The following ZBTB2 variants were observed in gnomAD, a reference collection of about 807,000 sequenced individuals.
ZBTB2 encodes the protein zinc finger and BTB domain containing 2, also known as zinc finger and BTB domain-containing protein 2.
ZBTB2 carries 2 observed loss-of-function variants against 39.5 expected under a neutral mutation model. The ratio of observed to expected loss-of-function variants is 0.05; its 90% confidence interval spans 0.02 to 0.16. ZBTB2 has a LOEUF of 0.16. Ranked by LOEUF, ZBTB2 falls within the 10% of genes least tolerant of loss-of-function variation. The pLI, the probability that ZBTB2 is intolerant of heterozygous loss-of-function variation, is 1.00. For synonymous variants in ZBTB2, 251 were observed against 256.6 expected (o/e 0.98, Z 0.21); for missense variants, 391 against 653.0 (o/e 0.60, Z 4.37).
Position 151,375,061 on chromosome 6 carries a change from G to A in ZBTB2, c.-12-1412C>T, listed in dbSNP as rs1000193493. 1.7e-4 allele frequency among the ~76,000 whole-genome samples: 26 copies of A among 151,762 alleles called. No homozygotes were observed. In the East Asian group the frequency reaches 4.5e-3, roughly 26 times the overall value. ...CATGAACCCAGGAGGCGGAGCTTGC[G>A]GTGAGCCGAGCTCACACCACTGCAC... On this transcript the variant is annotated intron_variant, in intron 1 of 2. Transcript: ENST00000325144.
intron 2 of ZBTB2, among the ~76,000 whole-genome samples, chr6:151,373,220 G>T (rs992292183): frequency 2.7e-4 from 38 of 141,624 alleles, no homozygotes; most frequent in African/African-American, 9.2e-4. Context: ...TCCTGACCAT[G>T]CAGGTGACAC....
intron 1 of ZBTB2, among the ~76,000 whole-genome samples, chr6:151,376,342 C>G (rs1778908205): frequency 6.6e-6 from 1 of 152,114 alleles, no homozygotes; most frequent in Admixed American, 6.5e-5. Flanking sequence ...ATAAACTGGA[C>G]TTCATCAAAA....
chr6:151,366,583 T>C lies in ZBTB2; in HGVS notation c.483A>G (p.Pro161=), dbSNP rs144146070. Residue 161 remains proline, a synonymous_variant, in exon 3 of 3, where the codon CCA becomes CCG. Transcript: ENST00000325144. The surrounding 1 kb of genome is among the most constrained non-coding windows in gnomAD (Gnocchi z 7.1). ...GCTCCTGGCTTATCCTGGAGGTCTGTGGCCGTGGATCTCGCCCGAGTTTTT... is the reference window on the plus strand; with the variant it reads ...GCTCCTGGCTTATCCTGGAGGTCTGCGGCCGTGGATCTCGCCCGAGTTTTT... The part of the protein sequence containing the change: ...APEKLGRDPR[P]QTSRISQEQV... 1 of 1,614,094 alleles carries C rather than the reference T, an allele frequency of 6.2e-7. No individual in the cohort carries two copies. The highest frequency in any genetic ancestry group is 8.5e-7 in the Non-Finnish European group (1 of 1,180,016).
chr6:151,383,306 T>C (rs565464430), intron 1 of ZBTB2, among the ~76,000 whole-genome samples: 172 of 152,282 alleles, frequency 1.1e-3, no homozygotes, highest in African/African-American at 4.0e-3. Flanking sequence ...TGCCTCAGCC[T>C]CCTGAGTAGC....
intron 1 of ZBTB2, among the ~76,000 whole-genome samples, chr6:151,373,864 A>C (rs1006760634): frequency 2.7e-5 from 4 of 147,046 alleles, no homozygotes; most frequent in South Asian, 2.2e-4. Flanking sequence ...AAAAAAAAAA[A>C]AAAAAAAAAA....
intron 1 of ZBTB2, among the ~76,000 whole-genome samples, chr6:151,382,927 A>G (rs1434848401): frequency 7.1e-6 from 1 of 141,698 alleles, no homozygotes; most frequent in Non-Finnish European, 1.6e-5. Flanking sequence ...GTTGTATCTA[A>G]TTTTTTTTTT....
At chr6:151,378,896 A>G (rs1778974973) in intron 1 of ZBTB2, among the ~76,000 whole-genome samples, 1 of 152,234 alleles carries the variant, frequency 6.6e-6, no homozygotes, top group Admixed American at 6.5e-5. Flanking sequence ...TCAACTTGAG[A>G]TATTTGAAGT....
At chr6:151,373,866 A>C (rs1301189091) in intron 1 of ZBTB2, among the ~76,000 whole-genome samples, 3 of 134,060 alleles carry the variant, frequency 2.2e-5, no homozygotes, top group Non-Finnish European at 3.2e-5. Context: ...AAAAAAAAAA[A>C]AAAAAAAAAA....
At chr6:151,372,507 G>A (rs1183285233) in intron 2 of ZBTB2, among the ~76,000 whole-genome samples, 1 of 152,086 alleles carries the variant, frequency 6.6e-6, no homozygotes, top group African/African-American at 2.4e-5. Flanking sequence ...GGTGGGGGGT[G>A]TATGAAAACA....
chr6:151,387,684 A>C (rs1779190512), intron 1 of ZBTB2, among the ~76,000 whole-genome samples: 1 of 152,364 alleles, frequency 6.6e-6, no homozygotes, highest in East Asian at 1.9e-4. Context: ...CTAAGTACTT[A>C]GCCAGATACA....
rs1287838284 is a variant in ZBTB2 at position 151,368,364 on chromosome 6, T to C, written c.174-1472A>G. On this transcript the variant is annotated intron_variant, in intron 2 of 2. Transcript: ENST00000325144. ...CGGGGTTTCACCATGTTAGCCAGGA[T>C]GGTCTTGATCTGCTGAACTCGTGAT... Among the ~76,000 whole-genome samples the C allele has an allele frequency of 3.9e-5, 6 of 152,282 alleles. No homozygotes were observed. In the South Asian group the frequency reaches 6.2e-4, roughly 16 times the overall value.
In ZBTB2 at chr6:151,368,786, C is replaced by T. The variant is rs139046617; in HGVS notation, c.174-1894G>A. Reference sequence around the variant, plus strand: ...TTTCTTTTTTTTTTTAATTTTGAGACGAAGTCTTGCTCTGCTGCCCAGGCT... The same window carrying T: ...TTTCTTTTTTTTTTTAATTTTGAGATGAAGTCTTGCTCTGCTGCCCAGGCT... On this transcript the variant is annotated intron_variant, in intron 2 of 2. Transcript: ENST00000325144. Among the ~76,000 whole-genome samples the T allele has an allele frequency of 2.6e-3, 388 of 146,704 alleles. 19 individuals are homozygous for T. In the South Asian group the frequency reaches 0.063, roughly 24 times the overall value.
chr6:151,391,249 C>T (rs918236292), intron 1 of ZBTB2, among the ~76,000 whole-genome samples, 171 bp downstream of exon 1: 3 of 151,888 alleles, frequency 2.0e-5, no homozygotes, highest in Non-Finnish European at 4.4e-5. Flanking sequence ...TTCCGCCTGC[C>T]TGCACCCGTA....
intron 2 of ZBTB2, chr6:151,370,209 T>C: frequency 2.7e-6 from 1 of 377,310 alleles, no homozygotes; most frequent in South Asian, 1.0e-4. Context: ...GATCTCGGCT[T>C]ACTGCAACCT....
chr6:151,373,369 A>C, intron 2 of ZBTB2, 96 bp downstream of exon 2: 4 of 1,373,226 alleles, frequency 2.9e-6, no homozygotes, highest in Non-Finnish European at 4.1e-6. Flanking sequence ...CCTAGGAGCT[A>C]GGAGACGTAG....
chr6:151,367,951 T>C (rs1486637309), intron 2 of ZBTB2, among the ~76,000 whole-genome samples: 3 of 152,258 alleles, frequency 2.0e-5, no homozygotes, highest in Non-Finnish European at 4.4e-5. Context: ...TAGAAATTAG[T>C]GAGATCTATA....
intron 1 of ZBTB2, chr6:151,378,091 G>A (rs773479379): frequency 3.3e-5 from 5 of 152,036 alleles, no homozygotes; most frequent in Non-Finnish European, 5.9e-5. Context: ...CACTATCTTC[G>A]CACCAGCCAT....
Position 151,366,993 on chromosome 6 carries a change from A to ATGTTG in ZBTB2, c.174-102_174-101insCAACA. The stretch of plus-strand genomic sequence containing the variant: ...AATGCTTAAAAACAAAGGAAACAAC[A>ATGTTG]TTTCCTATCCTTGATTTTTAGTAAG... On this transcript the variant is annotated intron_variant, in intron 2 of 2. Transcript: ENST00000325144. This position sits in a 1 kb window ranked among gnomAD's most constrained non-coding sequence, Gnocchi z 7.1. 8.2e-6 allele frequency: 10 copies of ATGTTG among 1,215,420 alleles called. No homozygotes were observed. Among genetic ancestry groups the ATGTTG allele is most frequent in the South Asian group, 1.6e-5 (1 of 64,306 alleles). The allele number at this position is 1,215,420 out of a possible 1,614,324, so 75.3% of individuals were successfully genotyped here.
intron 1 of ZBTB2, among the ~76,000 whole-genome samples, chr6:151,375,777 T>C (rs1388157484): frequency 6.6e-6 from 1 of 152,074 alleles, no homozygotes; most frequent in Non-Finnish European, 1.5e-5. Flanking sequence ...CCATGTTGGC[T>C]ATGCTGGCCT....
Sources: gnomAD v4.1 joint callset for allele counts (sites outside exome capture counted in the v4.1 genomes callset) on GRCh38, gnomAD v4.1.1 for gene constraint, Gnocchi (gnomAD v3.1) non-coding constraint, MANE v1.5 for transcripts, NCBI Gene and HGNC (gene_info 2026-07-23, HGNC 2026-07-21) for gene names.